The following DNER variants were observed in gnomAD, a reference collection of about 807,000 sequenced individuals.
The protein encoded by DNER is delta/notch like EGF repeat containing.
A neutral mutation model predicts 78.2 loss-of-function variants in DNER; 33 were observed. The observed-to-expected ratio is 0.42, with a 90% CI of 0.32 to 0.56. The LOEUF (loss-of-function observed/expected upper bound fraction) is 0.56. Among genes scored for constraint, DNER ranks in the 20% least tolerant of loss-of-function variants. The pLI is 0.11. For synonymous variants in DNER, 417 were observed against 384.8 expected, an observed-to-expected ratio of 1.08 and a Z score of -0.98; for missense variants, 918 against 975.3, an observed-to-expected ratio of 0.94 and a Z score of 0.78.
At chr2:229,412,599 T>TG (rs1473652760) in intron 9 of DNER, among the ~76,000 whole-genome samples, 1 of 152,138 alleles carries the variant, frequency 6.6e-6, no homozygotes, top group Non-Finnish European at 1.5e-5. Flanking sequence ...CACATCTCTT[T>TG]GGGGGTCAAC....
intron 7 of DNER, 47 bp from the exon 8 acceptor site, chr2:229,447,587 AC>A (rs1439826093): frequency 5.1e-6 from 8 of 1,564,758 alleles, no homozygotes; most frequent in Non-Finnish European, 7.0e-6. Flanking sequence ...ACACATTTGC[AC>A]ATAATAACTA....
intron 1 of DNER, among the ~76,000 whole-genome samples, chr2:229,680,591 G>A (rs1288007102): frequency 6.6e-6 from 1 of 152,250 alleles, no homozygotes; most frequent in Non-Finnish European, 1.5e-5. Context: ...TGGCAGGCTA[G>A]AGCCTGGAAT....
intron 5 of DNER, among the ~76,000 whole-genome samples, chr2:229,536,685 C>A (rs531369765): frequency 6.6e-6 from 1 of 152,140 alleles, no homozygotes; most frequent in Admixed American, 6.5e-5. Context: ...CAGCCAGAGG[C>A]CTATTTCTAT....
At chr2:229,545,401 C>T (rs1207930585) in intron 5 of DNER, among the ~76,000 whole-genome samples, 1 of 152,088 alleles carries the variant, frequency 6.6e-6, no homozygotes, top group African/African-American at 2.4e-5. Context: ...ATGGTGAAAC[C>T]CCGTCTCTAC....
intron 1 of DNER, among the ~76,000 whole-genome samples, chr2:229,657,032 T>C (rs565043640): frequency 4.8e-4 from 70 of 144,694 alleles, no homozygotes; most frequent in African/African-American, 1.7e-3. Flanking sequence ...TGCCAAGATC[T>C]ACCCTCTTAG....
intron 12 of DNER, among the ~76,000 whole-genome samples, chr2:229,362,965 T>C (rs1007030998): frequency 6.6e-6 from 1 of 152,224 alleles, no homozygotes; most frequent in Non-Finnish European, 1.5e-5. Context: ...TTGGAAGGTT[T>C]TGAGCTATTG....
chr2:229,510,612 G>A (rs1695847283), intron 6 of DNER, among the ~76,000 whole-genome samples: 1 of 152,232 alleles, frequency 6.6e-6, no homozygotes, highest in African/African-American at 2.4e-5. Flanking sequence ...AGAATGACTT[G>A]TAGAGATGTC....
At chr2:229,687,263 CTT>C (rs555202828) in intron 1 of DNER, among the ~76,000 whole-genome samples, 233 of 127,678 alleles carry the variant, frequency 1.8e-3, no homozygotes, top group African/African-American at 6.0e-3. Flanking sequence ...TTTCCAACTT[CTT>C]TTTTTTTTTT....
intron 1 of DNER, among the ~76,000 whole-genome samples, chr2:229,649,458 GA>G (rs530253505): frequency 7.9e-5 from 12 of 152,120 alleles, no homozygotes; most frequent in East Asian, 5.8e-4. Context: ...ACTCTAGGGG[GA>G]AAAAAATCCT....
At position 229,586,621 on chromosome 2, in the gene DNER, C is replaced by T. The variant is rs568204280; in HGVS notation, c.681-597G>A. ...TCAACCCCAACCCCAACCCCAGCTG[C>T]CCTCCTGCGCTTTTCTCCTCACAGC... On this transcript the variant is annotated intron_variant, in intron 3 of 12. Coordinates refer to ENST00000341772, the MANE Select transcript of DNER (RefSeq NM_139072.4). The T allele has an allele frequency of 2.3e-4, 225 of 983,296 alleles. 1 individual carries two copies. The African/African-American group carries it at 3.6e-3, about 16-fold the overall frequency. The allele number at this position is 983,296 out of a possible 1,614,324, so 60.9% of individuals were successfully genotyped here.
At chr2:229,680,275 G>A (rs185687523) in intron 1 of DNER, among the ~76,000 whole-genome samples, 147 of 152,230 alleles carry the variant, frequency 9.7e-4, no homozygotes, top group Non-Finnish European at 1.7e-3. Context: ...ACTGAGTCAC[G>A]GATGGCTTCT....
At chr2:229,375,147 GT>G (rs1192187117) in intron 11 of DNER, among the ~76,000 whole-genome samples, 1 of 152,178 alleles carries the variant, frequency 6.6e-6, no homozygotes, top group Non-Finnish European at 1.5e-5. Context: ...AAAGTATCTA[GT>G]TTACCCAGGT....
rs1230437804 is a variant in DNER, at chr2:229,388,302, G to T, written c.1818C>A (p.His606Gln). ...TTGCTCCCACCCAACCATGCGGGCAGTGGCAGTTATAACCATTGGGCTGGT... is the reference window on the plus strand; with the variant it reads ...TTGCTCCCACCCAACCATGCGGGCATTGGCAGTTATAACCATTGGGCTGGT... ...CLDQPNGYNC[H>Q]CPHGWVGANC... The change falls in exon 11 of 13, where the codon CAC becomes CAA. Residue 606 changes from histidine (H) to glutamine (Q), a missense_variant. Transcript: ENST00000341772. 1.2e-6 allele frequency: 2 copies of T among 1,611,266 alleles called. No homozygotes were observed. The highest frequency in any genetic ancestry group is 1.7e-6 in the Non-Finnish European group (2 of 1,178,598).
chr2:229,642,459 T>C (rs1470634360), intron 1 of DNER, among the ~76,000 whole-genome samples: 2 of 152,230 alleles, frequency 1.3e-5, no homozygotes, highest in East Asian at 1.9e-4. Flanking sequence ...ATGGTTTAGA[T>C]TGGCCTGTTG....
At chr2:229,581,588 A>G (rs1697398179) in intron 4 of DNER, among the ~76,000 whole-genome samples, 1 of 152,258 alleles carries the variant, frequency 6.6e-6, no homozygotes, top group Non-Finnish European at 1.5e-5. Context: ...ACACTTGGTA[A>G]AAAGTTCTAT....
chr2:229,440,803 C>T (rs955466733), intron 8 of DNER, among the ~76,000 whole-genome samples: 1 of 152,178 alleles, frequency 6.6e-6, no homozygotes, highest in African/African-American at 2.4e-5. Context: ...CCTTGTTCCC[C>T]GCATCCAACT....
At chr2:229,373,892 C>T (rs556786042) in intron 11 of DNER, among the ~76,000 whole-genome samples, 6 of 152,092 alleles carry the variant, frequency 3.9e-5, no homozygotes, top group South Asian at 4.1e-4. Context: ...TGGCCAGGCA[C>T]GGTGGCTCAC....
chr2:229,593,325 C>A (rs1365646547), intron 1 of DNER, among the ~76,000 whole-genome samples: 2 of 152,114 alleles, frequency 1.3e-5, no homozygotes, highest in African/African-American at 4.8e-5. Context: ...AAGTTGATTC[C>A]CACCTCAGGC....
intron 6 of DNER, among the ~76,000 whole-genome samples, chr2:229,505,627 A>C (rs957066055): frequency 6.6e-6 from 1 of 152,196 alleles, no homozygotes; most frequent in Non-Finnish European, 1.5e-5. Context: ...TTAAATTGCT[A>C]CTATGGTTCT....
Sources: gnomAD v4.1 joint callset for allele counts (sites outside exome capture counted in the v4.1 genomes callset) on GRCh38, gnomAD v4.1.1 for gene constraint, MANE v1.5 for transcripts, NCBI Gene and HGNC (gene_info 2026-07-23, HGNC 2026-07-21) for gene names.